SGIP1: variants seen among roughly 807,000 people sequenced by gnomAD.
SGIP1 encodes the protein SH3GL interacting endocytic adaptor 1, also known as SH3-containing GRB2-like protein 3-interacting protein 1.
In SGIP1, 38 loss-of-function variants were observed where a neutral mutation model predicts 107.5. The observed-to-expected ratio is 0.35, with a 90% CI of 0.27 to 0.46. SGIP1 has a LOEUF of 0.46. SGIP1 is among the 20% of genes least tolerant of loss of function. SGIP1 has a pLI of 1.00. For missense variants in SGIP1, 929 were observed against 1,019.5 expected, an observed-to-expected ratio of 0.91 and a Z score of 1.21; for synonymous variants, 365 against 366.1, an observed-to-expected ratio of 1.00 and a Z score of 0.03.
chr1:66,592,952 C>G (rs1255988847), intron 1 of SGIP1, among the ~76,000 whole-genome samples: 2 of 126,886 alleles, frequency 1.6e-5, no homozygotes, highest in Non-Finnish European at 3.1e-5. Flanking sequence ...CCACATTGCC[C>G]AGGCTGATCT....
intron 1 of SGIP1, among the ~76,000 whole-genome samples, chr1:66,601,979 C>T (rs752267215): frequency 6.6e-6 from 1 of 152,174 alleles, no homozygotes; most frequent in Non-Finnish European, 1.5e-5. Context: ...CTCTGTAGAC[C>T]TCACCTTTCT....
intron 1 of SGIP1, among the ~76,000 whole-genome samples, chr1:66,576,182 G>T (rs962357811): frequency 3.9e-5 from 6 of 152,212 alleles, no homozygotes; most frequent in African/African-American, 1.4e-4. Context: ...AGGAGGTACT[G>T]TGTTAGCACT....
intron 12 of SGIP1, among the ~76,000 whole-genome samples, chr1:66,675,917 T>C (rs2085214054): frequency 6.6e-6 from 1 of 152,184 alleles, no homozygotes; most frequent in South Asian, 2.1e-4. Context: ...CATCAGATCT[T>C]AGCTCTTCTG....
chr1:66,635,930 ACAAT>A lies in SGIP1; in HGVS notation c.100-9_100-6del, dbSNP rs768720565. 5.0e-6 allele frequency: 8 copies of A among 1,613,450 alleles called. No homozygotes were observed. In the South Asian group the frequency reaches 8.8e-5, roughly 18 times the overall value. ...TTTAACCACTTTTTTCTACATGAAA[ACAAT>A]CAATTCCAGCAGCCCAGCCCACACG... On this transcript the variant is annotated splice_polypyrimidine_tract_variant and intron_variant, in intron 3 of 24. Coordinates refer to ENST00000371037, the MANE Select transcript of SGIP1 (RefSeq NM_032291.4).
In SGIP1 at chr1:66,739,339, C is replaced by T; in HGVS notation, c.2036C>T (p.Ser679Phe). 1 of 1,607,248 alleles carries T rather than the reference C, an allele frequency of 6.2e-7. No individual in the cohort carries two copies. Among genetic ancestry groups the T allele is most frequent in the Non-Finnish European group, 8.5e-7 (1 of 1,179,838 alleles). ...YNVDMLKYQV[S>F]AQGIQSTPLN... ...TCTTTCCTGTCGTTCGGCAAGGTGT[C>T]TGCCCAGGGCATTCAGTCCACACCT... is the stretch of plus-strand genomic sequence containing the variant. The change falls in exon 22 of 25, where the codon TCT becomes TTT. Residue 679 changes from serine (S) to phenylalanine (F), a missense_variant. This residue lies in a region of SGIP1 where 341 missense variants were observed against 430.9 expected (regional missense o/e 0.79). Transcript: ENST00000371037.
Position 66,588,638 on chromosome 1 carries a change from C to CTT in SGIP1, c.11-37189_11-37188dup, listed in dbSNP as rs35096597. ...AATTTTTCACTCTTTCTAGTTAGTT[C>CTT]TTTTTTTTTTTTTTTTTTTTTGCAT... On this transcript the variant is annotated intron_variant, in intron 1 of 24. Coordinates refer to ENST00000371037, the MANE Select transcript of SGIP1 (RefSeq NM_032291.4). 6.0e-3 allele frequency among the ~76,000 whole-genome samples: 594 copies of CTT among 98,634 alleles called. 4 individuals carry two copies. Among genetic ancestry groups the CTT allele is most frequent in the African/African-American group, 0.012 (323 of 27,246 alleles). The allele number at this position is 98,634 out of a possible 152,430, so 64.7% of individuals were successfully genotyped here.
chr1:66,698,875 T>G (rs916016074), intron 18 of SGIP1, among the ~76,000 whole-genome samples: 1 of 151,640 alleles, frequency 6.6e-6, no homozygotes, highest in South Asian at 2.1e-4. Flanking sequence ...TTGGTTAGCT[T>G]TTTTAACTAC....
chr1:66,569,160 A>C (rs1478384077), intron 1 of SGIP1, among the ~76,000 whole-genome samples: 1 of 151,990 alleles, frequency 6.6e-6, no homozygotes, highest in Admixed American at 6.6e-5. Context: ...CTTGAGAATG[A>C]GGTACCCAGA....
At chr1:66,599,006 A>G (rs2065235984) in intron 1 of SGIP1, among the ~76,000 whole-genome samples, 1 of 152,214 alleles carries the variant, frequency 6.6e-6, no homozygotes, top group Non-Finnish European at 1.5e-5. Context: ...TGAGAAATGA[A>G]GAAGGCAGTG....
intron 15 of SGIP1, among the ~76,000 whole-genome samples, chr1:66,683,520 A>T (rs2087300499): frequency 6.6e-6 from 1 of 152,106 alleles, no homozygotes. Context: ...CGTACTGCAC[A>T]CAAAACCAGT....
At chr1:66,652,235 A>G (rs150978160) in intron 7 of SGIP1, among the ~76,000 whole-genome samples, 3,048 of 150,412 alleles carry the variant, frequency 0.02, 42 homozygotes, top group Non-Finnish European at 0.03. Context: ...TACCCAGTTC[A>G]GTGCTGTCTC....
intron 18 of SGIP1, among the ~76,000 whole-genome samples, chr1:66,696,279 G>A (rs908011965): frequency 1.3e-5 from 2 of 152,142 alleles, no homozygotes; most frequent in Non-Finnish European, 2.9e-5. Context: ...GATGGGGGAA[G>A]AAGTTAAGTA....
intron 21 of SGIP1, among the ~76,000 whole-genome samples, chr1:66,736,478 T>C (rs2761193): frequency 0.58 from 30,601 of 52,898 alleles, 10,263 homozygotes; most frequent in Non-Finnish European, 0.66. Flanking sequence ...TATAATATAT[T>C]GCGTATTATA....
Position 66,636,497 on chromosome 1 carries a change from C to T in SGIP1, c.171+482C>T, listed in dbSNP as rs148515354. On this transcript the variant is annotated intron_variant, in intron 4 of 24. Transcript: ENST00000371037. ...GCCCAAACTCTGTAGTACCTATAGCCGTGTTGTACATTATGGTAGCCACAT... is the reference window on the plus strand; with the variant it reads ...GCCCAAACTCTGTAGTACCTATAGCTGTGTTGTACATTATGGTAGCCACAT... Among the ~76,000 whole-genome samples, 992 of 152,258 alleles carry T rather than the reference C, an allele frequency of 6.5e-3. 13 individuals are homozygous for T. Among genetic ancestry groups the T allele is most frequent in the African/African-American group, 0.022 (931 of 41,562 alleles).
intron 20 of SGIP1, 142 bp downstream of exon 20, chr1:66,729,561 AC>A: frequency 8.8e-7 from 1 of 1,139,584 alleles, no homozygotes; most frequent in Non-Finnish European, 1.2e-6. Context: ...CAAGCACAGA[AC>A]TTTTACCAGC....
chr1:66,535,092 A>G (rs2053281847), intron 1 of SGIP1, among the ~76,000 whole-genome samples: 1 of 152,194 alleles, frequency 6.6e-6, no homozygotes, highest in Non-Finnish European at 1.5e-5. Flanking sequence ...CGCATATTCA[A>G]TATTGAGTGT....
chr1:66,656,671 A>T (rs998951660), intron 7 of SGIP1, among the ~76,000 whole-genome samples: 2 of 152,208 alleles, frequency 1.3e-5, no homozygotes, highest in Non-Finnish European at 2.9e-5. Flanking sequence ...CTGCTCCCAG[A>T]TGTAAACCCA....
intron 19 of SGIP1, among the ~76,000 whole-genome samples, chr1:66,726,432 C>A (rs2093761128): frequency 6.6e-6 from 1 of 152,112 alleles, no homozygotes; most frequent in South Asian, 2.1e-4. Flanking sequence ...GCGAAAACAA[C>A]TATGAAAAGG....
chr1:66,547,986 G>C (rs1229412021), intron 1 of SGIP1, among the ~76,000 whole-genome samples: 1 of 152,090 alleles, frequency 6.6e-6, no homozygotes, highest in Non-Finnish European at 1.5e-5. Context: ...GGACAAGAGG[G>C]AAGCCAGCAT....
Sources: gnomAD v4.1 joint callset for allele counts (sites outside exome capture counted in the v4.1 genomes callset) on GRCh38, gnomAD v4.1.1 for gene constraint, gnomAD v4.1.1 regional missense constraint, MANE v1.5 for transcripts, NCBI Gene and HGNC (gene_info 2026-07-23, HGNC 2026-07-21) for gene names.